The following GABRA1 variants were observed in gnomAD, a reference collection of about 807,000 sequenced individuals.
The protein encoded by GABRA1 is gamma-aminobutyric acid type A receptor subunit alpha1.
GABRA1 carries 9 observed loss-of-function variants against 48.9 expected under a neutral mutation model. The observed-to-expected ratio is 0.18, with a 90% CI of 0.11 to 0.32. GABRA1 has a LOEUF of 0.32. Ranked by LOEUF, GABRA1 falls within the 10% of genes least tolerant of loss-of-function variation. GABRA1 has a pLI of 1.00. For synonymous variants in GABRA1, 210 were observed against 198.7 expected (o/e 1.06, Z -0.48); for missense variants, 285 against 553.8 (o/e 0.51, Z 4.87).
chr5:161,852,225 T>C lies in GABRA1; in HGVS notation c.74+1341T>C, dbSNP rs1035518990. On this transcript the variant is annotated intron_variant, in intron 2 of 9. Coordinates refer to ENST00000393943, the MANE Select transcript of GABRA1 (RefSeq NM_001127644.2). ...TCTGCATTCCAATGCAAACAATTGG[T>C]GAAAACATTTGTAAGACAAAACCAG... Among the ~76,000 whole-genome samples, 3 of 152,126 alleles carry C rather than the reference T, an allele frequency of 2.0e-5. No individual in the cohort carries two copies. The East Asian group carries it at 5.8e-4, about 29-fold the overall frequency.
upstream of GABRA1, chr5:161,847,917 C>G (rs185954637): frequency 4.6e-4 from 70 of 152,156 alleles, 1 homozygote; most frequent in African/African-American, 1.7e-3. Context: ...CTTCCCTCCC[C>G]CATTGCCGCT....
chr5:161,873,440 C>A, intron 5 of GABRA1, 103 bp downstream of exon 5: 1 of 948,144 alleles, frequency 1.1e-6, no homozygotes, highest in Admixed American at 2.0e-5. Flanking sequence ...TATTTGCTTC[C>A]TTGTTTTTCA....
At chr5:161,852,572 A>G (rs1050617336) in intron 2 of GABRA1, among the ~76,000 whole-genome samples, 3 of 151,924 alleles carry the variant, frequency 2.0e-5, no homozygotes, top group Non-Finnish European at 4.4e-5. Context: ...TCACAAAACT[A>G]TTTTTGCCTT....
Position 161,882,689 on chromosome 5 carries a change from C to G in GABRA1, c.691C>G (p.Gln231Glu), listed in dbSNP as rs1173993011. 6.2e-7 allele frequency: 1 copy of G among 1,613,264 alleles called. No individual in the cohort carries two copies. The highest frequency in any genetic ancestry group is 1.3e-5 in the African/African-American group (1 of 74,874). ...LGQTVDSGIV[Q>E]SSTGEYVVMT... ...ACAAACAGTAGACTCTGGAATTGTC[C>G]AGTCAAGTACAGGTAAGTACGATTT... The change falls in exon 7 of 10, where the codon CAG becomes GAG. Residue 231 changes from glutamine (Q) to glutamate (E), a missense_variant. By Grantham distance (29) the Gln-to-Glu change is conservative. Around this residue, in one of 6 missense-constraint regions of GABRA1, gnomAD observed 105 missense variants for 267.4 expected, o/e 0.39. Transcript: ENST00000393943.
chr5:161,893,957 C>T (rs1755241536), intron 8 of GABRA1, among the ~76,000 whole-genome samples: 1 of 152,142 alleles, frequency 6.6e-6, no homozygotes, highest in Admixed American at 6.5e-5. Context: ...TTAATCTTCT[C>T]AACTGCTCTT....
intron 8 of GABRA1, among the ~76,000 whole-genome samples, chr5:161,891,701 A>G (rs904683154): frequency 2.6e-5 from 4 of 152,268 alleles, no homozygotes; most frequent in South Asian, 2.1e-4. Context: ...ATTTGATATA[A>G]AAAGGTATTT....
At position 161,854,920 on chromosome 5, in the gene GABRA1, G is replaced by A. The variant is rs369908716; in HGVS notation, c.187+650G>A. ...ATAACAATAAGAGTAAATAGTTCTA[G>A]GAATTGCACACATTTGAATAACACT... On this transcript the variant is annotated intron_variant, in intron 3 of 9. Transcript: ENST00000393943. Among the ~76,000 whole-genome samples, 78 of 151,552 alleles carry A rather than the reference G, an allele frequency of 5.1e-4. 1 individual carries two copies. In the East Asian group the frequency reaches 0.013, roughly 26 times the overall value.
intron 8 of GABRA1, among the ~76,000 whole-genome samples, chr5:161,895,239 T>C (rs1475541211): frequency 6.6e-6 from 1 of 152,126 alleles, no homozygotes; most frequent in Non-Finnish European, 1.5e-5. Flanking sequence ...CTGGTTTACA[T>C]ATTTGGGGTA....
intron 3 of GABRA1, among the ~76,000 whole-genome samples, chr5:161,855,574 TG>T (rs1757616551): frequency 6.6e-6 from 1 of 151,484 alleles, no homozygotes; most frequent in Non-Finnish European, 1.5e-5. Flanking sequence ...GGTCACAAAA[TG>T]GGGAGCCTAA....
rs1755503573 is a variant in GABRA1, at chr5:161,899,106, A to C, written c.*1684A>C. On this transcript the variant is annotated 3_prime_UTR_variant, in exon 10 of 10. Transcript: ENST00000393943. ...ATTTAGTGCTCAGAATCCACAAGTC[A>C]CGGTCTAAACACACTTAGAATACTA... The C allele has an allele frequency of 6.6e-6, 1 of 152,562 alleles. No individual in the cohort carries two copies. Among genetic ancestry groups the C allele is most frequent in the South Asian group, 2.1e-4 (1 of 4,834 alleles). 9.5% of individuals were successfully genotyped at this position (152,562 alleles called of 1,614,324 possible).
At position 161,897,129 on chromosome 5, in the gene GABRA1, C is replaced by A; in HGVS notation, c.1078C>A (p.Pro360Thr). The A allele has an allele frequency of 6.2e-7, 1 of 1,614,016 alleles. No individual in the cohort carries two copies. ...VPEKPKKVKD[P>T]LIKKNNTYAP... ...TCTACAGCCAAAGAAAGTAAAGGATCCTCTTATTAAGAAAAACAACACTTA... is the reference window on the plus strand; with the variant it reads ...TCTACAGCCAAAGAAAGTAAAGGATACTCTTATTAAGAAAAACAACACTTA... The change falls in exon 10 of 10, where the codon CCT becomes ACT. Residue 360 changes from proline (P) to threonine (T), a missense_variant. Around this residue, in one of 6 missense-constraint regions of GABRA1, gnomAD observed 99 missense variants for 94.2 expected, o/e 1.05. Transcript: ENST00000393943.
intron 3 of GABRA1, among the ~76,000 whole-genome samples, chr5:161,861,903 A>G (rs1434507127): frequency 6.6e-6 from 1 of 151,894 alleles, no homozygotes; most frequent in Non-Finnish European, 1.5e-5. Flanking sequence ...TCTGTGAATC[A>G]ATAGACACAA....
At chr5:161,878,235 G>A (rs536147036) in intron 6 of GABRA1, among the ~76,000 whole-genome samples, 1 of 152,146 alleles carries the variant, frequency 6.6e-6, no homozygotes, top group African/African-American at 2.4e-5. Context: ...GAATGAAACA[G>A]AGCAGACTAG....
chr5:161,854,836 G>A (rs550210978), intron 3 of GABRA1, among the ~76,000 whole-genome samples: 1 of 151,192 alleles, frequency 6.6e-6, no homozygotes, highest in Non-Finnish European at 1.5e-5. Context: ...TCAATTACTC[G>A]GTTATATTGA....
At chr5:161,894,545 T>C (rs916662656) in intron 8 of GABRA1, among the ~76,000 whole-genome samples, 7 of 152,164 alleles carry the variant, frequency 4.6e-5, no homozygotes, top group Non-Finnish European at 1.0e-4. Flanking sequence ...TTAAATCACT[T>C]AGCAGAGGTC....
At chr5:161,871,932 C>G (rs756292046) in intron 4 of GABRA1, among the ~76,000 whole-genome samples, 15 of 152,158 alleles carry the variant, frequency 9.9e-5, no homozygotes, top group Non-Finnish European at 1.8e-4. Context: ...AGAGAACACA[C>G]CTTCATTCAG....
At position 161,887,063 on chromosome 5, in the gene GABRA1, A is replaced by G. The variant is rs564941241; in HGVS notation, c.704-3835A>G. Among the ~76,000 whole-genome samples the G allele has an allele frequency of 2.0e-4, 30 of 152,336 alleles. No individual in the cohort carries two copies. The South Asian group carries it at 5.8e-3, about 29-fold the overall frequency. ...ATATCAGTGTCCAGAAAACATTAAT[A>G]ATGTAATGCCATGCAATGTTTTAAA... On this transcript the variant is annotated intron_variant, in intron 7 of 9. Transcript: ENST00000393943.
chr5:161,893,275 G>C (rs1449467673), intron 8 of GABRA1, among the ~76,000 whole-genome samples: 1 of 151,932 alleles, frequency 6.6e-6, no homozygotes, highest in African/African-American at 2.4e-5. Flanking sequence ...GGCCTTTGAT[G>C]AACATAACTA....
intron 7 of GABRA1, among the ~76,000 whole-genome samples, chr5:161,884,663 CTT>C (rs1437325802): frequency 6.6e-6 from 1 of 152,100 alleles, no homozygotes; most frequent in African/African-American, 2.4e-5. Context: ...GCACACATAA[CTT>C]TTCCTCAAGG....
Sources: allele counts gnomAD v4.1 joint callset (sites outside exome capture counted in the v4.1 genomes callset), GRCh38; gene constraint gnomAD v4.1.1; regional missense constraint gnomAD v4.1.1; transcripts MANE v1.5; gene names NCBI Gene and HGNC (gene_info 2026-07-23, HGNC 2026-07-21).